RASEF: variants seen among roughly 807,000 people sequenced by gnomAD.
RASEF encodes ras and EF-hand domain-containing protein.
Under a neutral mutation model 90.1 loss-of-function variants are expected in RASEF, and 68 were observed. The ratio of observed to expected loss-of-function variants is 0.75; its 90% CI spans 0.62 to 0.92. The LOEUF is 0.92. RASEF is among the 40% of genes least tolerant of loss of function. The probability of loss-of-function intolerance (pLI) is 0.00; values close to 1 mark genes in which losing one functional copy is unlikely to be tolerated. For synonymous variants in RASEF, 331 were observed against 345.2 expected (o/e 0.96, Z 0.46); for missense variants, 949 against 937.2 (o/e 1.01, Z -0.16).
At chr9:83,019,848 T>C (rs746101272) in intron 3 of RASEF, among the ~76,000 whole-genome samples, 21 of 152,176 alleles carry the variant, frequency 1.4e-4, no homozygotes, top group Non-Finnish European at 2.5e-4. Context: ...TCCACTTCTA[T>C]ACAGTTCTGA....
At chr9:83,154,225 A>G in the RASEF span, among the ~76,000 whole-genome samples, 1 of 152,222 alleles carries the variant, frequency 6.6e-6, no homozygotes, top group African/African-American at 2.4e-5. Context: ...CCTGGTTTGT[A>G]TAGTGTCACT....
the RASEF span, among the ~76,000 whole-genome samples, chr9:83,082,614 CAGAA>C: frequency 3.3e-5 from 5 of 152,030 alleles, no homozygotes; most frequent in Non-Finnish European, 7.4e-5. Flanking sequence ...GGAACAAAGG[CAGAA>C]AGAAAGAGAG....
At chr9:83,218,927 G>T in the RASEF span, among the ~76,000 whole-genome samples, 1 of 152,196 alleles carries the variant, frequency 6.6e-6, no homozygotes, top group Admixed American at 6.5e-5. Flanking sequence ...AAGGCAAATT[G>T]CTAGGCAGGT....
At chr9:83,034,624 A>G (rs1057331493) in intron 1 of RASEF, among the ~76,000 whole-genome samples, 3 of 152,332 alleles carry the variant, frequency 2.0e-5, no homozygotes, top group South Asian at 2.1e-4. Flanking sequence ...GAGTTCACCA[A>G]TGGAGGCAGG....
intron 1 of RASEF, among the ~76,000 whole-genome samples, chr9:83,042,110 C>A (rs980777946): frequency 6.6e-6 from 1 of 152,228 alleles, no homozygotes; most frequent in East Asian, 1.9e-4. Flanking sequence ...GTTTCCAGTT[C>A]TGTGGTCTGA....
the RASEF span, among the ~76,000 whole-genome samples, chr9:83,111,458 C>T: frequency 1.3e-5 from 2 of 152,038 alleles, no homozygotes; most frequent in Non-Finnish European, 2.9e-5. Context: ...TAATAATATA[C>T]TGTACACCTG....
At chr9:83,164,330 T>C in the RASEF span, among the ~76,000 whole-genome samples, 2 of 114,694 alleles carry the variant, frequency 1.7e-5, no homozygotes, top group East Asian at 2.6e-4. Flanking sequence ...TTCAAATATA[T>C]ATATTTGTAT....
the RASEF span, among the ~76,000 whole-genome samples, chr9:83,137,331 T>C: frequency 9.7e-4 from 148 of 152,250 alleles, 2 homozygotes; most frequent in South Asian, 0.027. Flanking sequence ...AAAAAGAACA[T>C]AGTCACTGGG....
At chr9:83,157,098 C>T in the RASEF span, among the ~76,000 whole-genome samples, 1 of 152,222 alleles carries the variant, frequency 6.6e-6, no homozygotes, top group Non-Finnish European at 1.5e-5. Context: ...CTGGAAGCTA[C>T]TTCTACAGTC....
chr9:82,982,931 C>T, intron 16 of RASEF, 149 bp from the exon 17 acceptor site: 1 of 596,950 alleles, frequency 1.7e-6, no homozygotes, highest in Admixed American at 2.8e-5. Flanking sequence ...TGTTTTAATG[C>T]TTTATAGGTC....
chr9:82,982,827 G>C, intron 16 of RASEF, 45 bp from the exon 17 acceptor site: 1 of 1,121,558 alleles, frequency 8.9e-7, no homozygotes. Flanking sequence ...GAGAGAGAGA[G>C]AGAGAGGATT....
chr9:83,179,807 T>TAC, the RASEF span, among the ~76,000 whole-genome samples: 753 of 151,888 alleles, frequency 5.0e-3, 3 homozygotes, highest in Middle Eastern at 0.027. Flanking sequence ...CACACACACA[T>TAC]ACACACACAC....
intron 1 of RASEF, among the ~76,000 whole-genome samples, chr9:83,035,647 A>C (rs1039021267): frequency 1.3e-5 from 2 of 152,174 alleles, no homozygotes; most frequent in African/African-American, 4.8e-5. Flanking sequence ...CTATCAACTT[A>C]ACCTGAGTGA....
Position 83,007,089 on chromosome 9 carries a change from G to T in RASEF, c.1028+348C>A, listed in dbSNP as rs1450628729. 2.3e-5 allele frequency among the ~76,000 whole-genome samples: 2 copies of T among 87,284 alleles called. 1 individual carries two copies. Among genetic ancestry groups the T allele is most frequent in the Non-Finnish European group, 4.1e-5 (2 of 48,314 alleles). 57.3% of individuals were successfully genotyped at this position (87,284 alleles called of 152,430 possible). On this transcript the variant is annotated intron_variant, in intron 7 of 16. Transcript: ENST00000376447. ...AGCCTGGGTGACAGGGCAAGACTCT[G>T]TCTCAAAAAAAAAAAAAAAAACTCA...
chr9:83,020,220 A>T (rs10780567), intron 3 of RASEF, among the ~76,000 whole-genome samples: 74,279 of 151,988 alleles, frequency 0.49, 18,242 homozygotes, highest in East Asian at 0.63. Context: ...CATCAAGAAG[A>T]AAGTGAGGGT....
the RASEF span, among the ~76,000 whole-genome samples, chr9:83,088,786 T>C: frequency 6.6e-6 from 1 of 152,068 alleles, no homozygotes; most frequent in Non-Finnish European, 1.5e-5. Context: ...TTTTTCATCC[T>C]TTTATTTTTA....
At chr9:83,003,928 C>T (rs1420258696) in intron 9 of RASEF, among the ~76,000 whole-genome samples, 1 of 152,106 alleles carries the variant, frequency 6.6e-6, no homozygotes, top group Non-Finnish European at 1.5e-5. Flanking sequence ...TAAGTGATTA[C>T]TAGGTCTCAA....
At chr9:83,038,627 TAA>T (rs1051663086) in intron 1 of RASEF, among the ~76,000 whole-genome samples, 14 of 151,706 alleles carry the variant, frequency 9.2e-5, no homozygotes, top group African/African-American at 3.2e-4. Flanking sequence ...AATATTCACA[TAA>T]GTGATAAGAA....
At chr9:83,072,828 T>C in the RASEF span, among the ~76,000 whole-genome samples, 1 of 152,120 alleles carries the variant, frequency 6.6e-6, no homozygotes, top group Non-Finnish European at 1.5e-5. Context: ...CAAATGTTAA[T>C]CTCCTTTGGT....
Sources: gnomAD v4.1 joint callset for allele counts (sites outside exome capture counted in the v4.1 genomes callset) on GRCh38, gnomAD v4.1.1 for gene constraint, MANE v1.5 for transcripts, NCBI Gene and HGNC (gene_info 2026-07-23, HGNC 2026-07-21) for gene names.